The following SLC2A5 variants were observed in gnomAD, a reference collection of about 807,000 sequenced individuals.
SLC2A5 encodes the protein solute carrier family 2 member 5, also known as solute carrier family 2, facilitated glucose transporter member 5.
A neutral mutation model predicts 50.3 loss-of-function variants in SLC2A5; 56 were observed. The ratio of observed to expected loss-of-function variants is 1.11; its 90% CI spans 0.90 to 1.39. SLC2A5 has a LOEUF of 1.39. Among genes scored for constraint, SLC2A5 ranks in the 40% most tolerant of loss-of-function variants. SLC2A5 has a pLI of 0.00. For synonymous variants in SLC2A5, 269 were observed against 281.9 expected (o/e 0.95, Z 0.46); for missense variants, 566 against 650.1 (o/e 0.87, Z 1.41).
At chr1:9,045,396 G>A (rs1051905127) in intron 4 of SLC2A5, among the ~76,000 whole-genome samples, 1 of 152,176 alleles carries the variant, frequency 6.6e-6, no homozygotes, top group African/African-American at 2.4e-5. Context: ...ACTGAGAACT[G>A]CTGACTTTAG....
upstream of SLC2A5, among the ~76,000 whole-genome samples, chr1:9,089,533 T>C (rs1439004184): frequency 1.3e-5 from 2 of 152,064 alleles, no homozygotes; most frequent in African/African-American, 2.4e-5. Context: ...AACAAAAAAT[T>C]CAAAAAGGCA....
At chr1:9,067,917 C>T (rs763846869) in intron 1 of SLC2A5, among the ~76,000 whole-genome samples, 12 of 152,092 alleles carry the variant, frequency 7.9e-5, no homozygotes, top group Admixed American at 3.3e-4. Flanking sequence ...TGGCCGGGCG[C>T]GGTGGCTCAC....
chr1:9,078,820 T>C (rs1642320588), intron 2 of SLC2A5, among the ~76,000 whole-genome samples: 1 of 152,166 alleles, frequency 6.6e-6, no homozygotes, highest in Non-Finnish European at 1.5e-5. Flanking sequence ...CTAATAAATT[T>C]TGCGAACCTC....
At chr1:9,080,607 AT>A (rs1421951264) in intron 2 of SLC2A5, among the ~76,000 whole-genome samples, 1 of 152,126 alleles carries the variant, frequency 6.6e-6, no homozygotes, top group African/African-American at 2.4e-5. Flanking sequence ...ATCTTTTCAC[AT>A]TCGTGTTGGC....
At chr1:9,074,484 A>G (rs1193932244), upstream of SLC2A5, among the ~76,000 whole-genome samples, 2 of 152,178 alleles carry the variant, frequency 1.3e-5, no homozygotes, top group Non-Finnish European at 2.9e-5. Context: ...TCTCTTGCTC[A>G]GTAAATCAGC....
rs886115027 is a variant in SLC2A5 at position 9,037,363 on chromosome 1, C to T, written c.*223G>A. 23 of 530,984 alleles carry T rather than the reference C, an allele frequency of 4.3e-5. No individual in the cohort carries two copies. Among genetic ancestry groups the T allele is most frequent in the Middle Eastern group, 5.1e-4 (1 of 1,980 alleles). The allele number at this position is 530,984 out of a possible 1,614,324, so 32.9% of individuals were successfully genotyped here. On this transcript the variant is annotated 3_prime_UTR_variant, in exon 12 of 12. Coordinates refer to ENST00000377424, the MANE Select transcript of SLC2A5 (RefSeq NM_003039.3). ...TGGAGGACCAGCTGTTTAATTGACT[C>T]GGGTCTGGTGACAGGCCAACATGGA... is the stretch of plus-strand genomic sequence containing the variant.
chr1:9,084,086 G>A (rs1444140653), intron 2 of SLC2A5, among the ~76,000 whole-genome samples: 1 of 152,110 alleles, frequency 6.6e-6, no homozygotes, highest in Non-Finnish European at 1.5e-5. Flanking sequence ...GGAGATTGCA[G>A]TGAGCCGAGA....
In SLC2A5 at chr1:9,067,853, G is replaced by T. The variant is rs569118010; in HGVS notation, c.33+1651C>A. Among the ~76,000 whole-genome samples the T allele has an allele frequency of 9.9e-5, 15 of 152,140 alleles. No individual in the cohort carries two copies. The East Asian group carries it at 2.9e-3, about 29-fold the overall frequency. On this transcript the variant is annotated intron_variant, in intron 1 of 11. Transcript: ENST00000377424. ...TTAGCCAGTGCCAAATGGAAATCAC[G>T]CGGAGGTGGAGAAACCAGCCTAAAG...
At chr1:9,058,882 G>A (rs138794238) in intron 1 of SLC2A5, among the ~76,000 whole-genome samples, 9 of 152,202 alleles carry the variant, frequency 5.9e-5, no homozygotes, top group East Asian at 5.8e-4. Flanking sequence ...AAAGAGCTGC[G>A]GGCTTAAAAT....
upstream of SLC2A5, among the ~76,000 whole-genome samples, chr1:9,071,130 C>T (rs1475096373): frequency 6.6e-6 from 1 of 152,142 alleles, no homozygotes; most frequent in African/African-American, 2.4e-5. Flanking sequence ...AAGAATCCGG[C>T]CGGGCGCGGT....
At position 9,040,199 on chromosome 1, in the gene SLC2A5, AGGCAGCGAGCT is replaced by A. The variant is rs1294469208; in HGVS notation, c.572-21_572-11del. 1.9e-6 allele frequency: 3 copies of A among 1,546,186 alleles called. No homozygotes were observed. The highest frequency in any genetic ancestry group is 2.6e-6 in the Non-Finnish European group (3 of 1,146,778). On this transcript the variant is annotated splice_polypyrimidine_tract_variant and intron_variant, in intron 5 of 11. Transcript: ENST00000377424. The surrounding 1 kb of genome is among the most constrained non-coding windows in gnomAD (Gnocchi z 4.3). ...AGCAGGATCGGCCAGCCTGGGAGGA[AGGCAGCGAGCT>A]GGCACCAGCGGCCTCCCCACCACCC...
chr1:9,078,428 T>A (rs529892230), intron 2 of SLC2A5, among the ~76,000 whole-genome samples: 183 of 152,138 alleles, frequency 1.2e-3, no homozygotes, highest in African/African-American at 4.3e-3. Context: ...CAAGATGGAG[T>A]CGCTCTGGTT....
rs201560362 is a variant in SLC2A5 at position 9,041,767 on chromosome 1, G to A, written c.571+18C>T. On this transcript the variant is annotated intron_variant, in intron 5 of 11. Coordinates refer to ENST00000377424, the MANE Select transcript of SLC2A5 (RefSeq NM_003039.3). ...GTGGTGAAGGGGTGGGGGTGCTCCC[G>A]AGATGTCCTGAACTCACCATCTACG... The A allele has an allele frequency of 1.4e-4, 232 of 1,614,038 alleles. No individual in the cohort carries two copies. The African/African-American group carries it at 2.6e-3, about 18-fold the overall frequency.
intron 1 of SLC2A5, among the ~76,000 whole-genome samples, chr1:9,061,460 G>C (rs1273101781): frequency 7.1e-6 from 1 of 139,976 alleles, no homozygotes; most frequent in African/African-American, 2.6e-5. Context: ...TTAAAAATTA[G>C]CTGGGTGTGG....
chr1:9,077,867 G>A (rs1642310638), intron 2 of SLC2A5, among the ~76,000 whole-genome samples: 1 of 151,830 alleles, frequency 6.6e-6, no homozygotes, highest in African/African-American at 2.4e-5. Context: ...CCCAAGAGAA[G>A]GTTCTTGGAC....
intron 5 of SLC2A5, 46 bp downstream of exon 5, chr1:9,041,739 G>T (rs555331459): frequency 1.2e-6 from 2 of 1,613,988 alleles, no homozygotes; most frequent in Admixed American, 3.3e-5. Context: ...GGGGCCAAGG[G>T]TAGTGGTGAA....
rs1329879993 is a variant in SLC2A5 at position 9,057,451 on chromosome 1, C to T, written c.290G>A (p.Gly97Asp). The T allele has an allele frequency of 2.5e-6, 4 of 1,608,524 alleles. No individual in the cohort carries two copies. Among genetic ancestry groups the T allele is most frequent in the Non-Finnish European group, 3.4e-6 (4 of 1,177,662 alleles). The change falls in exon 3 of 12, where the codon GGC becomes GAC. Residue 97 changes from glycine (G) to aspartate (D), a missense_variant. Transcript: ENST00000377424. ...TTAAAAATTCACCTTCCCTTACCTG[C>T]CAAATTTATTCACCAAGGGGCCGAC... ...LLVGPLVNKF[G>D]RKGALLFNNI...
At chr1:9,045,689 G>C (rs1253203556) in intron 4 of SLC2A5, among the ~76,000 whole-genome samples, 1 of 152,006 alleles carries the variant, frequency 6.6e-6, no homozygotes, top group Non-Finnish European at 1.5e-5. Flanking sequence ...GGCCAACATA[G>C]TGAAACCCCA....
intron 2 of SLC2A5, among the ~76,000 whole-genome samples, chr1:9,081,261 G>GAAA (rs869191087): frequency 1.2e-4 from 3 of 25,560 alleles, no homozygotes; most frequent in Non-Finnish European, 2.3e-4. Context: ...CCTTGTTTCA[G>GAAA]AAAAAAAAAA....
Sources: gnomAD v4.1 joint callset for allele counts (sites outside exome capture counted in the v4.1 genomes callset) on GRCh38, gnomAD v4.1.1 for gene constraint, Gnocchi (gnomAD v3.1) non-coding constraint, MANE v1.5 for transcripts, NCBI Gene and HGNC (gene_info 2026-07-23, HGNC 2026-07-21) for gene names.